Variants in HS6ST3 observed in about 807,000 individuals in gnomAD.
HS6ST3 encodes heparan-sulfate 6-O-sulfotransferase 3.
In HS6ST3, 12 loss-of-function variants were observed where a neutral mutation model predicts 36.7. The ratio of observed to expected loss-of-function variants is 0.33; its 90% CI spans 0.21 to 0.53. The LOEUF (loss-of-function observed/expected upper bound fraction) is 0.53, where lower values mean the gene tolerates loss of function less well. Among genes scored for constraint, HS6ST3 ranks in the 20% least tolerant of loss-of-function variants. HS6ST3 has a pLI of 0.95. For synonymous variants in HS6ST3, 240 were observed against 257.5 expected, an observed-to-expected ratio of 0.93 and a Z score of 0.65; for missense variants, 584 against 640.9, an observed-to-expected ratio of 0.91 and a Z score of 0.96.
In HS6ST3 at chr13:96,837,931, T is replaced by C. The variant is rs1341120678; in HGVS notation, c.*4733T>C. The C allele has an allele frequency of 1.3e-5, 2 of 152,236 alleles. No individual in the cohort carries two copies. Among genetic ancestry groups the C allele is most frequent in the African/African-American group, 2.4e-5 (1 of 41,456 alleles). The allele number at this position is 152,236 out of a possible 1,614,324, so 9.4% of individuals were successfully genotyped here. ...TTTGTCAGCAACATACTGCTTTCAT[T>C]CTTAAAGGTTTCATTGGCTGTTAAA... On this transcript the variant is annotated 3_prime_UTR_variant, in exon 2 of 2. Coordinates refer to ENST00000376705, the MANE Select transcript of HS6ST3 (RefSeq NM_153456.4).
chr13:96,469,772 G>A (rs986412540), intron 1 of HS6ST3, among the ~76,000 whole-genome samples: 1 of 151,962 alleles, frequency 6.6e-6, no homozygotes, highest in African/African-American at 2.4e-5. Context: ...TGGTGATGTT[G>A]GTAGAAATTA....
chr13:96,190,595 G>A (rs938798439), intron 1 of HS6ST3, among the ~76,000 whole-genome samples: 1 of 152,132 alleles, frequency 6.6e-6, no homozygotes, highest in Admixed American at 6.6e-5. Flanking sequence ...AGGTGTTGGA[G>A]ATAAAGCAAT....
At chr13:96,574,854 T>C (rs989197137) in intron 1 of HS6ST3, among the ~76,000 whole-genome samples, 1 of 152,102 alleles carries the variant, frequency 6.6e-6, no homozygotes, top group Non-Finnish European at 1.5e-5. Context: ...TCCACGAGGG[T>C]TGAACACACA....
chr13:96,193,667 AAAAG>A (rs1398078924), intron 1 of HS6ST3, among the ~76,000 whole-genome samples: 3 of 152,220 alleles, frequency 2.0e-5, no homozygotes, highest in Non-Finnish European at 4.4e-5. Context: ...TGAGAGGAGA[AAAAG>A]AAAGCGAGAG....
At chr13:96,316,257 CTGTGTGTGTGTGTG>C (rs10534465) in intron 1 of HS6ST3, among the ~76,000 whole-genome samples, 4,534 of 147,250 alleles carry the variant, frequency 0.031, 72 homozygotes, top group South Asian at 0.072. Context: ...CTACATACAC[CTGTGTGTGTGTGTG>C]TGTGTGTGTG....
At chr13:96,320,158 CCT>C (rs1287128289) in intron 1 of HS6ST3, among the ~76,000 whole-genome samples, 7 of 152,130 alleles carry the variant, frequency 4.6e-5, no homozygotes, top group Non-Finnish European at 1.0e-4. Flanking sequence ...CTGGAATTCT[CCT>C]CTTTTTTTTG....
At chr13:96,677,570 C>T (rs2056703052) in intron 1 of HS6ST3, among the ~76,000 whole-genome samples, 1 of 151,910 alleles carries the variant, frequency 6.6e-6, no homozygotes, top group Non-Finnish European at 1.5e-5. Context: ...ATGCACACAT[C>T]TCATACATTT....
At chr13:96,696,179 C>T (rs1339157933) in intron 1 of HS6ST3, among the ~76,000 whole-genome samples, 1 of 152,132 alleles carries the variant, frequency 6.6e-6, no homozygotes, top group Non-Finnish European at 1.5e-5. Context: ...GCCAGGCTGT[C>T]AGAAGGGCCG....
At chr13:96,579,948 T>C (rs1341228592) in intron 1 of HS6ST3, among the ~76,000 whole-genome samples, 3 of 152,292 alleles carry the variant, frequency 2.0e-5, no homozygotes, top group South Asian at 4.1e-4. Context: ...TCCTAGATAA[T>C]TGAATGCTGC....
intron 1 of HS6ST3, among the ~76,000 whole-genome samples, chr13:96,099,450 C>CT (rs1280630940): frequency 1.3e-5 from 2 of 152,098 alleles, no homozygotes; most frequent in Non-Finnish European, 2.9e-5. Flanking sequence ...AACTTGCAGT[C>CT]TTTTTCCCCC....
intron 1 of HS6ST3, among the ~76,000 whole-genome samples, chr13:96,230,808 G>T (rs1337224597): frequency 2.0e-5 from 3 of 152,140 alleles, no homozygotes; most frequent in African/African-American, 7.2e-5. Context: ...AGATGATGGG[G>T]CCAGTAAAGA....
At chr13:96,405,022 T>C (rs1002357022) in intron 1 of HS6ST3, among the ~76,000 whole-genome samples, 1 of 152,176 alleles carries the variant, frequency 6.6e-6, no homozygotes, top group Non-Finnish European at 1.5e-5. Flanking sequence ...CGCATTAAGA[T>C]GTGACTTTTT....
chr13:96,448,647 T>C (rs1288781752), intron 1 of HS6ST3, among the ~76,000 whole-genome samples: 1 of 152,112 alleles, frequency 6.6e-6, no homozygotes, highest in Non-Finnish European at 1.5e-5. Flanking sequence ...CCTTGTCTAA[T>C]ACCCCTGCAA....
intron 1 of HS6ST3, among the ~76,000 whole-genome samples, chr13:96,705,850 C>G (rs887915511): frequency 6.6e-6 from 1 of 152,174 alleles, no homozygotes; most frequent in Non-Finnish European, 1.5e-5. Flanking sequence ...ACAGGTGACT[C>G]TAGTCTCATC....
At chr13:96,364,852 C>T (rs1001363697) in intron 1 of HS6ST3, among the ~76,000 whole-genome samples, 1 of 152,110 alleles carries the variant, frequency 6.6e-6, no homozygotes, top group African/African-American at 2.4e-5. Flanking sequence ...ACGGCTGTTT[C>T]TGCTACTTTC....
chr13:96,207,125 C>G (rs966058763), intron 1 of HS6ST3, among the ~76,000 whole-genome samples: 2 of 151,850 alleles, frequency 1.3e-5, no homozygotes, highest in Non-Finnish European at 2.9e-5. Flanking sequence ...CCTAAACAAC[C>G]CTGTTAAAAA....
chr13:96,822,304 A>C (rs1878551778), intron 1 of HS6ST3, among the ~76,000 whole-genome samples: 1 of 152,192 alleles, frequency 6.6e-6, no homozygotes, highest in African/African-American at 2.4e-5. Flanking sequence ...ATGCAGCGCA[A>C]AGCAGGGCGC....
chr13:96,780,507 T>C (rs573086858), intron 1 of HS6ST3, among the ~76,000 whole-genome samples: 2 of 152,262 alleles, frequency 1.3e-5, no homozygotes, highest in African/African-American at 4.8e-5. Flanking sequence ...GTTCTTATAG[T>C]TCTTAAACTT....
At chr13:96,514,230 G>T (rs577259834) in intron 1 of HS6ST3, among the ~76,000 whole-genome samples, 1 of 152,166 alleles carries the variant, frequency 6.6e-6, no homozygotes, top group Non-Finnish European at 1.5e-5. Flanking sequence ...GCGTGCAGTA[G>T]GTTGATGGAA....
Sources: gnomAD v4.1 joint callset for allele counts (sites outside exome capture counted in the v4.1 genomes callset) on GRCh38, gnomAD v4.1.1 for gene constraint, MANE v1.5 for transcripts, NCBI Gene and HGNC (gene_info 2026-07-23, HGNC 2026-07-21) for gene names.